ASIC2: variants seen among roughly 807,000 people sequenced by gnomAD.
ASIC2 encodes the protein acid-sensing ion channel 2.
ASIC2 carries 25 observed loss-of-function variants against 57.3 expected under a neutral mutation model. The ratio of observed to expected loss-of-function variants is 0.44; its 90% CI spans 0.32 to 0.61. The LOEUF is 0.61. ASIC2 is among the 20% of genes least tolerant of loss of function. The pLI is 0.06. For missense variants in ASIC2, 641 were observed against 738.1 expected, an observed-to-expected ratio of 0.87 and a Z score of 1.52; for synonymous variants, 319 against 307.5, an observed-to-expected ratio of 1.04 and a Z score of -0.39.
intron 1 of ASIC2, among the ~76,000 whole-genome samples, chr17:33,984,874 T>A (rs1426890047): frequency 6.6e-6 from 1 of 152,192 alleles, no homozygotes; most frequent in African/African-American, 2.4e-5. Context: ...GATCACCTCT[T>A]TAACCCTGAC....
intron 1 of ASIC2, among the ~76,000 whole-genome samples, chr17:33,434,629 AC>A (rs1358349106): frequency 6.6e-6 from 1 of 152,226 alleles, no homozygotes; most frequent in Non-Finnish European, 1.5e-5. Flanking sequence ...TGTACAAAGG[AC>A]ATAGGTAACT....
chr17:33,329,546 A>G (rs1451050606), intron 1 of ASIC2, among the ~76,000 whole-genome samples: 1 of 152,226 alleles, frequency 6.6e-6, no homozygotes, highest in African/African-American at 2.4e-5. Context: ...GGTCAAGGTC[A>G]TCACACAGCC....
At chr17:33,714,238 C>T (rs754986932) in intron 1 of ASIC2, among the ~76,000 whole-genome samples, 3 of 152,168 alleles carry the variant, frequency 2.0e-5, no homozygotes, top group Non-Finnish European at 4.4e-5. Flanking sequence ...ATACAGTACA[C>T]TTAAGGTACT....
chr17:33,449,780 T>C (rs1912178611), intron 1 of ASIC2, among the ~76,000 whole-genome samples: 1 of 152,036 alleles, frequency 6.6e-6, no homozygotes, highest in Non-Finnish European at 1.5e-5. Context: ...TCTTTTCTTT[T>C]TTTTTTTTAA....
At chr17:33,991,460 A>T (rs1403174428) in intron 1 of ASIC2, among the ~76,000 whole-genome samples, 4 of 152,280 alleles carry the variant, frequency 2.6e-5, no homozygotes, top group African/African-American at 9.6e-5. Flanking sequence ...CACCGGCTAC[A>T]TGTGCACATA....
intron 1 of ASIC2, among the ~76,000 whole-genome samples, chr17:33,902,178 G>A (rs1461453088): frequency 6.6e-6 from 1 of 152,138 alleles, no homozygotes; most frequent in Non-Finnish European, 1.5e-5. Flanking sequence ...AGCAGGAGAT[G>A]TGACTCAGGA....
At chr17:33,160,586 C>T (rs1905135032) in intron 1 of ASIC2, among the ~76,000 whole-genome samples, 1 of 152,234 alleles carries the variant, frequency 6.6e-6, no homozygotes, top group Non-Finnish European at 1.5e-5. Flanking sequence ...TCTGCATGGG[C>T]AGAGCCTCTC....
At chr17:33,553,018 G>T (rs969135879) in intron 1 of ASIC2, among the ~76,000 whole-genome samples, 1 of 152,140 alleles carries the variant, frequency 6.6e-6, no homozygotes, top group Admixed American at 6.5e-5. Context: ...TGAGCAGCAG[G>T]GACATTTGAG....
chr17:33,019,147 T>G (rs577419192), intron 7 of ASIC2, among the ~76,000 whole-genome samples: 1 of 152,218 alleles, frequency 6.6e-6, no homozygotes, highest in Non-Finnish European at 1.5e-5. Flanking sequence ...GATGTACGTG[T>G]GCAGTGTGAG....
chr17:33,653,936 C>T (rs1422390636), intron 1 of ASIC2, among the ~76,000 whole-genome samples: 1 of 152,124 alleles, frequency 6.6e-6, no homozygotes, highest in Non-Finnish European at 1.5e-5. Flanking sequence ...TTAAACAACC[C>T]AGAAAGGCAA....
chr17:33,418,945 G>A (rs984232857), intron 1 of ASIC2, among the ~76,000 whole-genome samples: 2 of 149,324 alleles, frequency 1.3e-5, no homozygotes, highest in Non-Finnish European at 3.0e-5. Context: ...ACACACCGGG[G>A]CCTGTCAGGG....
At chr17:34,038,422 A>G in intron 1 of ASIC2, 1 of 1,612,100 alleles carries the variant, frequency 6.2e-7, no homozygotes, top group Non-Finnish European at 8.5e-7. Context: ...GCTTGTGGTA[A>G]TTCTCCTTTT....
chr17:34,142,092 T>C (rs1029209476), intron 1 of ASIC2, among the ~76,000 whole-genome samples: 5 of 152,188 alleles, frequency 3.3e-5, no homozygotes, highest in Non-Finnish European at 7.3e-5. Flanking sequence ...AAGAAAGCCA[T>C]CTTGGCCCAA....
intron 1 of ASIC2, among the ~76,000 whole-genome samples, chr17:33,850,187 A>G (rs2141914949): frequency 6.6e-6 from 1 of 152,332 alleles, no homozygotes; most frequent in Non-Finnish European, 1.5e-5. Flanking sequence ...GAGGCCAAGA[A>G]GAATTGGAAG....
At chr17:33,391,951 T>G (rs1293481124) in intron 1 of ASIC2, among the ~76,000 whole-genome samples, 2 of 152,228 alleles carry the variant, frequency 1.3e-5, no homozygotes, top group Non-Finnish European at 2.9e-5. Flanking sequence ...CTGATCCATG[T>G]TCTTTTGATT....
At chr17:33,200,468 T>C (rs1379214774) in intron 1 of ASIC2, among the ~76,000 whole-genome samples, 1 of 152,216 alleles carries the variant, frequency 6.6e-6, no homozygotes, top group East Asian at 1.9e-4. Context: ...TGTCCAAAAC[T>C]GAGATCCTGA....
intron 1 of ASIC2, chr17:34,039,362 G>C: frequency 6.2e-7 from 1 of 1,613,956 alleles, no homozygotes; most frequent in Non-Finnish European, 8.5e-7. Context: ...GTGAAGCAGA[G>C]GCCAGCTCCC....
intron 1 of ASIC2, among the ~76,000 whole-genome samples, chr17:33,150,096 C>T (rs1904724449): frequency 6.6e-6 from 1 of 152,216 alleles, no homozygotes; most frequent in African/African-American, 2.4e-5. Context: ...AGGGAGTTGG[C>T]AGTTGACACA....
chr17:33,935,506 C>T (rs1916038886), intron 1 of ASIC2: 1 of 152,148 alleles, frequency 6.6e-6, no homozygotes, highest in African/African-American at 2.4e-5. Flanking sequence ...AATAAAAATA[C>T]TGATGAATAA....
Sources: gnomAD v4.1 joint callset for allele counts (sites outside exome capture counted in the v4.1 genomes callset) on GRCh38, gnomAD v4.1.1 for gene constraint, MANE v1.5 for transcripts, NCBI Gene and HGNC (gene_info 2026-07-23, HGNC 2026-07-21) for gene names.